The following ANO6 variants were observed in gnomAD, a reference collection of about 807,000 sequenced individuals.
ANO6 encodes anoctamin-6.
In ANO6, 106 loss-of-function variants were observed where a neutral mutation model predicts 117.5. The ratio of observed to expected loss-of-function variants is 0.90; its 90% CI spans 0.77 to 1.06. ANO6 has a LOEUF of 1.06. Ranked by LOEUF, ANO6 falls within the 50% of genes least tolerant of loss-of-function variation. ANO6 has a pLI of 0.00. For synonymous variants in ANO6, 367 were observed against 385.1 expected (o/e 0.95, Z 0.55); for missense variants, 955 against 1,121.1 (o/e 0.85, Z 2.12).
At chr12:45,313,981 T>C (rs4768605) in intron 2 of ANO6, among the ~76,000 whole-genome samples, 135,504 of 151,980 alleles carry the variant, frequency 0.89, 61,760 homozygotes, top group Non-Finnish European at 0.99. Flanking sequence ...GGGCCAAGAG[T>C]GGGCATACTG....
intron 16 of ANO6, among the ~76,000 whole-genome samples, chr12:45,414,595 C>G (rs1943167492): frequency 6.6e-6 from 1 of 152,190 alleles, no homozygotes; most frequent in Non-Finnish European, 1.5e-5. Flanking sequence ...TATTCATATA[C>G]TAGTTCTAAA....
At chr12:45,227,576 T>C (rs1947503909) in intron 1 of ANO6, among the ~76,000 whole-genome samples, 1 of 152,182 alleles carries the variant, frequency 6.6e-6, no homozygotes, top group African/African-American at 2.4e-5. Context: ...TAGACACTTA[T>C]GAGGGCAGTT....
intron 19 of ANO6, among the ~76,000 whole-genome samples, chr12:45,425,012 T>A (rs1943466752): frequency 6.6e-6 from 1 of 151,956 alleles, no homozygotes; most frequent in Non-Finnish European, 1.5e-5. Context: ...CTCAGTAACC[T>A]CAAGGGTTTG....
chr12:45,397,905 C>G (rs1173762450), intron 12 of ANO6, among the ~76,000 whole-genome samples: 1 of 151,966 alleles, frequency 6.6e-6, no homozygotes, highest in Non-Finnish European at 1.5e-5. Flanking sequence ...ATGGGTGCAG[C>G]AAACCAACAT....
At position 45,429,711 on chromosome 12, in the gene ANO6, G is replaced by C; in HGVS notation, c.*400G>C. ...AAGCCATGTTTCATTTCTTCACTTG[G>C]CTAGATCTGTTCCAGGGTCATCTTT... is the stretch of plus-strand genomic sequence containing the variant. On this transcript the variant is annotated 3_prime_UTR_variant, in exon 20 of 20. Coordinates refer to ENST00000320560, the MANE Select transcript of ANO6 (RefSeq NM_001025356.3). 1 of 1,107,048 alleles carries C rather than the reference G, an allele frequency of 9.0e-7. No individual in the cohort carries two copies. The highest frequency in any genetic ancestry group is 1.1e-6 in the Non-Finnish European group (1 of 904,490). 68.6% of individuals were successfully genotyped at this position (1,107,048 alleles called of 1,614,324 possible).
intron 12 of ANO6, among the ~76,000 whole-genome samples, chr12:45,397,192 C>T (rs909140242): frequency 1.3e-5 from 2 of 151,850 alleles, no homozygotes; most frequent in African/African-American, 4.8e-5. Flanking sequence ...TGAACAGACA[C>T]TTTTCAAAAG....
intron 11 of ANO6, among the ~76,000 whole-genome samples, chr12:45,390,138 G>A (rs1158902918): frequency 6.6e-6 from 1 of 152,198 alleles, no homozygotes; most frequent in African/African-American, 2.4e-5. Context: ...TAGCTTTGCA[G>A]CTTGGCACCA....
At chr12:45,433,457 G>A (rs1157150979), downstream of ANO6, among the ~76,000 whole-genome samples, 1 of 152,190 alleles carries the variant, frequency 6.6e-6, no homozygotes, top group African/African-American at 2.4e-5. Flanking sequence ...ACTGGGGTTG[G>A]TCAGGAGGGA....
At chr12:45,234,391 C>T (rs1947616148) in intron 1 of ANO6, among the ~76,000 whole-genome samples, 1 of 152,046 alleles carries the variant, frequency 6.6e-6, no homozygotes, top group Non-Finnish European at 1.5e-5. Context: ...AGAAGGTCAC[C>T]TTTTTTCCTA....
At chr12:45,333,038 A>T (rs1314918981) in intron 3 of ANO6, among the ~76,000 whole-genome samples, 1 of 151,848 alleles carries the variant, frequency 6.6e-6, no homozygotes, top group Non-Finnish European at 1.5e-5. Flanking sequence ...TTCATTGTTG[A>T]ATTTTTTCTT....
chr12:45,222,357 C>A (rs933911373), intron 1 of ANO6, among the ~76,000 whole-genome samples: 6 of 151,942 alleles, frequency 3.9e-5, no homozygotes, highest in African/African-American at 1.5e-4. Context: ...AATGGGGTTT[C>A]GCCATGTTGG....
intron 1 of ANO6, among the ~76,000 whole-genome samples, chr12:45,217,093 G>A (rs115395092): frequency 6.6e-6 from 1 of 152,128 alleles, no homozygotes; most frequent in Non-Finnish European, 1.5e-5. Context: ...ATGCATGGAA[G>A]TGACAAGACG....
chr12:45,412,761 C>T lies in ANO6; in HGVS notation c.2011+3274C>T, dbSNP rs115550990. On this transcript the variant is annotated intron_variant, in intron 16 of 19. Transcript: ENST00000320560. Reference sequence around the variant, plus strand: ...TATTAAGCACTTGCTGTGCCAAACACTCTCAGTTGCTGGGGATACCAGGGC... The same window carrying T: ...TATTAAGCACTTGCTGTGCCAAACATTCTCAGTTGCTGGGGATACCAGGGC... Among the ~76,000 whole-genome samples, 599 of 152,366 alleles carry T rather than the reference C, an allele frequency of 3.9e-3. 5 individuals are homozygous for T. The highest frequency in any genetic ancestry group is 0.014 in the African/African-American group (566 of 41,584).
Position 45,403,401 on chromosome 12 carries a change from T to C in ANO6, c.1783-38T>C, listed in dbSNP as rs760448386. ...ATGCCTATATTTCAAGTTAGATCCA[T>C]TGAATATTTAAATGGTATTTTCTTT... On this transcript the variant is annotated intron_variant, in intron 14 of 19. Coordinates refer to ENST00000320560, the MANE Select transcript of ANO6 (RefSeq NM_001025356.3). 1.1e-5 allele frequency: 18 copies of C among 1,566,016 alleles called. No individual in the cohort carries two copies. In the South Asian group the frequency reaches 1.8e-4, roughly 15 times the overall value.
At chr12:45,411,979 A>T (rs1400580293) in intron 16 of ANO6, among the ~76,000 whole-genome samples, 1 of 152,166 alleles carries the variant, frequency 6.6e-6, no homozygotes, top group Non-Finnish European at 1.5e-5. Context: ...TCCAACACAC[A>T]TATAAAACTG....
chr12:45,431,531 A>AG lies in ANO6; in HGVS notation c.*2224dup, dbSNP rs989689870. ...GATTAAATGTGCTGCTGTGGACAGG[A>AG]GGGGAAAAAAAACCCTCTACATATT... On this transcript the variant is annotated 3_prime_UTR_variant, in exon 20 of 20. Coordinates refer to ENST00000320560, the MANE Select transcript of ANO6 (RefSeq NM_001025356.3). The AG allele has an allele frequency of 1.0e-6, 1 of 985,044 alleles. No homozygotes were observed. Among genetic ancestry groups the AG allele is most frequent in the African/African-American group, 1.8e-5 (1 of 57,076 alleles). 61.0% of individuals were successfully genotyped at this position (985,044 alleles called of 1,614,324 possible). A position where few individuals can be genotyped will look rare whatever the true frequency, so the allele number is the denominator to read the frequency against.
At chr12:45,298,468 C>T (rs1939369892) in intron 1 of ANO6, among the ~76,000 whole-genome samples, 1 of 152,106 alleles carries the variant, frequency 6.6e-6, no homozygotes, top group Non-Finnish European at 1.5e-5. Flanking sequence ...TGTTAGATTA[C>T]CATAAATGAG....
At chr12:45,281,090 A>G (rs1417320650) in intron 1 of ANO6, among the ~76,000 whole-genome samples, 1 of 152,106 alleles carries the variant, frequency 6.6e-6, no homozygotes, top group Non-Finnish European at 1.5e-5. Flanking sequence ...GTGAATAGGT[A>G]ATATGAATAC....
chr12:45,434,629 A>G (rs1943686996), downstream of ANO6, among the ~76,000 whole-genome samples: 1 of 152,222 alleles, frequency 6.6e-6, no homozygotes, highest in South Asian at 2.1e-4. Flanking sequence ...AGACAATTAA[A>G]CAAAGGGAAA....
Sources: gnomAD v4.1 joint callset for allele counts (sites outside exome capture counted in the v4.1 genomes callset) on GRCh38, gnomAD v4.1.1 for gene constraint, MANE v1.5 for transcripts, NCBI Gene and HGNC (gene_info 2026-07-23, HGNC 2026-07-21) for gene names.